Variants in CDH7 observed in about 807,000 individuals in gnomAD.
CDH7 encodes cadherin 7.
Under a neutral mutation model 71.8 loss-of-function variants are expected in CDH7, and 25 were observed. The ratio of observed to expected loss-of-function variants is 0.35; its 90% CI spans 0.25 to 0.49. The LOEUF (loss-of-function observed/expected upper bound fraction) is 0.49, where lower values mean the gene tolerates loss of function less well. Ranked by LOEUF, CDH7 falls within the 20% of genes least tolerant of loss-of-function variation. The probability of loss-of-function intolerance (pLI) is 0.99; values close to 1 mark genes in which losing one functional copy is unlikely to be tolerated. For synonymous variants in CDH7, 381 were observed against 363.8 expected (o/e 1.05, Z -0.54); for missense variants, 862 against 974.6 (o/e 0.88, Z 1.54).
intron 7 of CDH7, among the ~76,000 whole-genome samples, chr18:65,853,482 A>AT (rs968868168): frequency 1.1e-4 from 16 of 150,148 alleles, no homozygotes; most frequent in South Asian, 2.1e-4. Context: ...TCACCTAAGG[A>AT]TTTTTTTTTT....
intron 2 of CDH7, among the ~76,000 whole-genome samples, chr18:65,809,414 G>A (rs1568196825): frequency 6.6e-6 from 1 of 152,164 alleles, no homozygotes; most frequent in African/African-American, 2.4e-5. Flanking sequence ...AAACTGGCAA[G>A]GACAGATCAA....
chr18:65,871,018 C>T (rs1374491318), intron 11 of CDH7, among the ~76,000 whole-genome samples: 2 of 152,084 alleles, frequency 1.3e-5, no homozygotes, highest in African/African-American at 4.8e-5. Context: ...CAGTATCCTC[C>T]ATAATTCATT....
chr18:65,812,004 C>G (rs1313488443), intron 3 of CDH7, among the ~76,000 whole-genome samples: 2 of 126,432 alleles, frequency 1.6e-5, no homozygotes, highest in Non-Finnish European at 3.2e-5. Context: ...GAGTCTCACT[C>G]TGTTGACAGG....
chr18:65,755,976 CAAA>C (rs570102057), intron 1 of CDH7, among the ~76,000 whole-genome samples: 1 of 151,674 alleles, frequency 6.6e-6, no homozygotes, highest in African/African-American at 2.4e-5. Flanking sequence ...ACAAAACAAA[CAAA>C]AAAACAAAAA....
chr18:65,807,617 T>C (rs1488596939), intron 2 of CDH7, among the ~76,000 whole-genome samples: 3 of 151,912 alleles, frequency 2.0e-5, no homozygotes, highest in African/African-American at 7.3e-5. Flanking sequence ...CAGATGAGGG[T>C]GAGGGAGCAT....
chr18:65,781,770 C>CTTTCCTTCCTTT (rs879658195), intron 2 of CDH7, among the ~76,000 whole-genome samples: 2 of 79,044 alleles, frequency 2.5e-5, no homozygotes, highest in Non-Finnish European at 5.0e-5. Flanking sequence ...TTCTTTCTTT[C>CTTTCCTTCCTTT]CTTCCTTCCT....
intron 2 of CDH7, among the ~76,000 whole-genome samples, chr18:65,777,430 T>A (rs1909988507): frequency 6.6e-6 from 1 of 151,954 alleles, no homozygotes. Context: ...TATTATATGA[T>A]CTCCGCAGTG....
intron 11 of CDH7, among the ~76,000 whole-genome samples, chr18:65,875,787 G>C (rs1427229630): frequency 6.6e-6 from 1 of 152,058 alleles, no homozygotes; most frequent in Admixed American, 6.6e-5. Flanking sequence ...AAATAGCCAT[G>C]TGTGGTGGTG....
chr18:65,783,708 C>T (rs1351049213), intron 2 of CDH7, among the ~76,000 whole-genome samples: 2 of 152,044 alleles, frequency 1.3e-5, no homozygotes, highest in East Asian at 1.9e-4. Flanking sequence ...TGCCTGACAC[C>T]GTATTTTATT....
chr18:65,852,911 A>G (rs1345944504), intron 7 of CDH7, among the ~76,000 whole-genome samples: 2 of 152,184 alleles, frequency 1.3e-5, no homozygotes, highest in African/African-American at 4.8e-5. Context: ...AGGTAGGGTA[A>G]TTTGGGGAAA....
chr18:65,805,148 A>C (rs1911269980), intron 2 of CDH7, among the ~76,000 whole-genome samples: 1 of 152,240 alleles, frequency 6.6e-6, no homozygotes, highest in Admixed American at 6.5e-5. Context: ...TTATAAATTA[A>C]AGTTGGATAT....
intron 7 of CDH7, among the ~76,000 whole-genome samples, chr18:65,853,922 T>TATATATATATATATATATCC (rs1913243679): frequency 1.3e-5 from 1 of 75,808 alleles, no homozygotes; most frequent in African/African-American, 6.1e-5. Flanking sequence ...TATATATATA[T>TATATATATATATATATATCC]ATATATATAT....
intron 1 of CDH7, among the ~76,000 whole-genome samples, chr18:65,757,821 A>G (rs1305098352): frequency 6.6e-6 from 1 of 151,814 alleles, no homozygotes; most frequent in Non-Finnish European, 1.5e-5. Context: ...TTAAAGAACT[A>G]GTAATAGTGA....
At chr18:65,775,793 A>T (rs7228669) in intron 2 of CDH7, among the ~76,000 whole-genome samples, 54,345 of 151,982 alleles carry the variant, frequency 0.36, 10,255 homozygotes, top group African/African-American at 0.46. Flanking sequence ...AAAACAAGGA[A>T]GAACTCAAGC....
chr18:65,839,141 G>T (rs1197543582), intron 6 of CDH7, among the ~76,000 whole-genome samples: 1 of 152,084 alleles, frequency 6.6e-6, no homozygotes, highest in East Asian at 1.9e-4. Context: ...CTTTAAACAT[G>T]GGCTTTTTGG....
At chr18:65,856,950 G>A (rs1313171242) in intron 7 of CDH7, among the ~76,000 whole-genome samples, 2 of 151,688 alleles carry the variant, frequency 1.3e-5, no homozygotes, top group Non-Finnish European at 2.9e-5. Flanking sequence ...AAATAGCCAT[G>A]CAATCTCAGG....
intron 2 of CDH7, among the ~76,000 whole-genome samples, chr18:65,785,249 A>G (rs1195519566): frequency 6.6e-6 from 1 of 151,624 alleles, no homozygotes; most frequent in Non-Finnish European, 1.5e-5. Flanking sequence ...ATATATATAT[A>G]TTATTAGGCG....
intron 6 of CDH7, among the ~76,000 whole-genome samples, chr18:65,832,797 C>T (rs1169165450): frequency 6.6e-6 from 1 of 151,796 alleles, no homozygotes; most frequent in East Asian, 1.9e-4. Flanking sequence ...GCACTTTAGT[C>T]TTTTTTAATT....
intron 7 of CDH7, among the ~76,000 whole-genome samples, chr18:65,850,244 T>A (rs981292593): frequency 2.0e-5 from 3 of 149,494 alleles, no homozygotes; most frequent in Admixed American, 2.0e-4. Flanking sequence ...AATTCAATGT[T>A]CTTGGTGTAA....
Sources: gnomAD v4.1 joint callset for allele counts (sites outside exome capture counted in the v4.1 genomes callset) on GRCh38, gnomAD v4.1.1 for gene constraint, MANE v1.5 for transcripts, NCBI Gene and HGNC (gene_info 2026-07-23, HGNC 2026-07-21) for gene names.